BNIP2: variants seen among roughly 807,000 people sequenced by gnomAD.
The protein encoded by BNIP2 is BCL2/adenovirus E1B 19 kDa protein-interacting protein 2.
Under a neutral mutation model 43.4 loss-of-function variants are expected in BNIP2, and 36 were observed. That is an observed-to-expected ratio of 0.83 (90% CI 0.64 to 1.10). The LOEUF is 1.10. Ranked by LOEUF, BNIP2 falls within the 50% of genes least tolerant of loss-of-function variation. The pLI is 0.00. For missense variants in BNIP2, 417 were observed against 374.1 expected (o/e 1.11, Z -0.95); for synonymous variants, 146 against 121.0 (o/e 1.21, Z -1.35).
intron 1 of BNIP2, chr15:59,688,729 T>C: frequency 6.5e-7 from 1 of 1,535,718 alleles, no homozygotes; most frequent in Non-Finnish European, 8.7e-7. Flanking sequence ...TTACGAGGCA[T>C]ACCAGAAGTC....
rs1394394468 is a variant in BNIP2, at chr15:59,668,940, G to A, written c.845C>T (p.Ala282Val). 6.2e-7 allele frequency: 1 copy of A among 1,613,628 alleles called. No homozygotes were observed. Residue 282 changes from alanine (A) to valine (V), a missense_variant, in exon 9 of 10, where the codon GCA becomes GTA. Coordinates refer to ENST00000607373, the MANE Select transcript of BNIP2 (RefSeq NM_004330.4). Reference sequence around the variant, plus strand: ...AACGTATTCCATGGGGACAAGTTCTGCTAGTTCTGCCAAATTAAACACGTA... The same window carrying A: ...AACGTATTCCATGGGGACAAGTTCTACTAGTTCTGCCAAATTAAACACGTA... Reference protein sequence around the residue: ...IRYVFNLAELAELVPMEYVGI... With the variant: ...IRYVFNLAELVELVPMEYVGI...
intron 7 of BNIP2, 114 bp from the exon 8 acceptor site, chr15:59,669,476 A>C: frequency 1.5e-6 from 1 of 686,558 alleles, no homozygotes; most frequent in Non-Finnish European, 2.3e-6. Flanking sequence ...AAAAGTTCTC[A>C]ATTAGGTGTG....
chr15:59,680,566 G>A (rs1326487381), intron 2 of BNIP2, among the ~76,000 whole-genome samples: 3 of 152,014 alleles, frequency 2.0e-5, no homozygotes, highest in East Asian at 3.9e-4. Context: ...GTGCCACGAC[G>A]CTTGGCTAAT....
chr15:59,679,561 A>C lies in BNIP2; in HGVS notation c.295+31T>G, dbSNP rs192279087. ...AACAAAATCCCTTAGTACATTAATA[A>C]AGATCAGATTAAAAACAGTGAAACA... On this transcript the variant is annotated intron_variant, in intron 4 of 9. Coordinates refer to ENST00000607373, the MANE Select transcript of BNIP2 (RefSeq NM_004330.4). The C allele has an allele frequency of 2.3e-5, 37 of 1,592,754 alleles. No individual in the cohort carries two copies. The East Asian group carries it at 7.8e-4, about 34-fold the overall frequency.
At chr15:59,667,289 C>G (rs1263202121) in intron 9 of BNIP2, among the ~76,000 whole-genome samples, 2 of 152,144 alleles carry the variant, frequency 1.3e-5, no homozygotes, top group Non-Finnish European at 2.9e-5. Context: ...TTAGAATGGT[C>G]AAGATAATTA....
At chr15:59,664,879 A>T (rs1892474728) in intron 9 of BNIP2, among the ~76,000 whole-genome samples, 1 of 152,234 alleles carries the variant, frequency 6.6e-6, no homozygotes, top group South Asian at 2.1e-4. Flanking sequence ...TAAAAAATGC[A>T]TCCTTATAGA....
At position 59,660,726 on chromosome 15, in the gene BNIP2, C is replaced by A. The variant is rs978583140; in HGVS notation, c.*3343G>T. The A allele has an allele frequency of 6.6e-6, 1 of 152,104 alleles. No homozygotes were observed. The highest frequency in any genetic ancestry group is 1.9e-4 in the East Asian group (1 of 5,186). 9.4% of individuals were successfully genotyped at this position (152,104 alleles called of 1,614,324 possible). On this transcript the variant is annotated 3_prime_UTR_variant, in exon 10 of 10. Coordinates refer to ENST00000607373, the MANE Select transcript of BNIP2 (RefSeq NM_004330.4). ...TCAGCATATTTCAGTATTCAGTGCA[C>A]TTACTAGTGATGTCCATTTTGGAAG...
At chr15:59,683,687 C>G (rs1175951094) in intron 1 of BNIP2, among the ~76,000 whole-genome samples, 2 of 152,064 alleles carry the variant, frequency 1.3e-5, no homozygotes, top group Non-Finnish European at 2.9e-5. Context: ...GATGTGGTGG[C>G]AGGCGCCTGT....
At chr15:59,673,232 C>A (rs1893048230) in intron 5 of BNIP2, among the ~76,000 whole-genome samples, 1 of 151,964 alleles carries the variant, frequency 6.6e-6, no homozygotes, top group Non-Finnish European at 1.5e-5. Flanking sequence ...GATTCTCCTG[C>A]CTCCCGAGTA....
intron 2 of BNIP2, among the ~76,000 whole-genome samples, chr15:59,681,838 AAAAC>A (rs1271693997): frequency 2.6e-5 from 4 of 152,216 alleles, no homozygotes; most frequent in African/African-American, 4.8e-5. Context: ...AAAACAAAAC[AAAAC>A]AAACAAACCA....
intron 5 of BNIP2, chr15:59,677,012 G>C: frequency 6.2e-7 from 1 of 1,612,804 alleles, no homozygotes; most frequent in Non-Finnish European, 8.5e-7. Context: ...TGTGAAGATT[G>C]ATCAGGAGAC....
rs1893312043 is a variant in BNIP2 at position 59,676,683 on chromosome 15, G to A, written c.472+1228C>T. 2.2e-5 allele frequency: 14 copies of A among 627,482 alleles called. No homozygotes were observed. The South Asian group carries it at 2.6e-4, about 12-fold the overall frequency. The allele number at this position is 627,482 out of a possible 1,614,324, so 38.9% of individuals were successfully genotyped here. On this transcript the variant is annotated intron_variant, in intron 5 of 9. Coordinates refer to ENST00000607373, the MANE Select transcript of BNIP2 (RefSeq NM_004330.4). ...TAAAAGTATTTAGAATTCTGATATT[G>A]CATGAAACGGCTAGGGCAGGCGAGC...
At chr15:59,685,464 G>A (rs1893954500) in intron 1 of BNIP2, among the ~76,000 whole-genome samples, 1 of 152,166 alleles carries the variant, frequency 6.6e-6, no homozygotes, top group Non-Finnish European at 1.5e-5. Flanking sequence ...TTGCACCACT[G>A]CACTACAGCC....
Position 59,689,136 on chromosome 15 carries a change from C to G in BNIP2, c.-59G>C. ...CGAGTTCTCCCAGGCCGCACTCACC[C>G]CGGAGGAAGCCTTGGCCCCCTCGTC... On this transcript the variant is annotated splice_region_variant and 5_prime_UTR_variant, in exon 1 of 10. Transcript: ENST00000607373. 2 of 1,536,676 alleles carry G rather than the reference C, an allele frequency of 1.3e-6. No individual in the cohort carries two copies. The highest frequency in any genetic ancestry group is 1.7e-6 in the Non-Finnish European group (2 of 1,146,274).
intron 5 of BNIP2, among the ~76,000 whole-genome samples, chr15:59,674,610 G>C (rs1396302632): frequency 6.6e-6 from 1 of 152,146 alleles, no homozygotes; most frequent in Non-Finnish European, 1.5e-5. Flanking sequence ...GAAATAAGCA[G>C]GGGAATGCAT....
chr15:59,684,389 A>C lies in BNIP2; in HGVS notation c.-57-1875T>G, dbSNP rs180907625. 5.9e-5 allele frequency among the ~76,000 whole-genome samples: 9 copies of C among 152,370 alleles called. No homozygotes were observed. The East Asian group carries it at 1.7e-3, about 29-fold the overall frequency. ...TAAGTTAATGAAAAACATTTAAAAT[A>C]ATCTTTACTTATTTAGCACTTTCTC... On this transcript the variant is annotated intron_variant, in intron 1 of 9. Transcript: ENST00000607373.
In BNIP2 at chr15:59,686,402, G is replaced by A. The variant is rs557715638; in HGVS notation, c.-58+2733C>T. ...TGTCTCTACAATTTTTTTTAAGATC[G>A]CATTAGAACTGTTTAGATTATAACA... is the stretch of plus-strand genomic sequence containing the variant. On this transcript the variant is annotated intron_variant, in intron 1 of 9. Transcript: ENST00000607373. 3.3e-5 allele frequency among the ~76,000 whole-genome samples: 5 copies of A among 152,106 alleles called. No homozygotes were observed. In the South Asian group the frequency reaches 6.2e-4, roughly 19 times the overall value.
At position 59,661,999 on chromosome 15, in the gene BNIP2, AAT is replaced by A. The variant is rs1435061053; in HGVS notation, c.*2068_*2069del. On this transcript the variant is annotated 3_prime_UTR_variant, in exon 10 of 10. Transcript: ENST00000607373. ...GTCTCTGAATTTTAATGTTTAACAGAATAGTCTTCTACTTTTAAAAAAAATTC... is the reference window on the plus strand; with the variant it reads ...GTCTCTGAATTTTAATGTTTAACAGAAGTCTTCTACTTTTAAAAAAAATTC... 2.6e-5 allele frequency: 4 copies of A among 152,352 alleles called. No homozygotes were observed. Among genetic ancestry groups the A allele is most frequent in the African/African-American group, 9.6e-5 (4 of 41,584 alleles). 9.4% of individuals were successfully genotyped at this position (152,352 alleles called of 1,614,324 possible).
At chr15:59,689,035 C>A in intron 1 of BNIP2, 100 bp downstream of exon 1, 2 of 1,456,538 alleles carry the variant, frequency 1.4e-6, no homozygotes, top group Non-Finnish European at 1.8e-6. Context: ...TTTCCTCTCC[C>A]CGGACGTCGT....
Sources: gnomAD v4.1 joint callset for allele counts (sites outside exome capture counted in the v4.1 genomes callset) on GRCh38, gnomAD v4.1.1 for gene constraint, MANE v1.5 for transcripts, NCBI Gene and HGNC (gene_info 2026-07-23, HGNC 2026-07-21) for gene names.